The following ZNF124 variants were observed in gnomAD, a reference collection of about 807,000 sequenced individuals.
The protein encoded by ZNF124 is zinc finger protein HZF-16.
In ZNF124, 25 loss-of-function variants were observed where a neutral mutation model predicts 26.6. That is an observed-to-expected ratio of 0.94 (90% CI 0.68 to 1.31). The LOEUF is 1.31. ZNF124 is among the 40% of genes most tolerant of loss of function. The pLI, the probability that ZNF124 is intolerant of heterozygous loss-of-function variation, is 0.00. For missense variants in ZNF124, 444 were observed against 422.2 expected (o/e 1.05, Z -0.45); for synonymous variants, 129 against 133.3 (o/e 0.97, Z 0.22).
intron 3 of ZNF124, among the ~76,000 whole-genome samples, chr1:247,135,460 C>A (rs1204211513): frequency 6.6e-6 from 1 of 152,056 alleles, no homozygotes; most frequent in Non-Finnish European, 1.5e-5. Context: ...TTCTTGGACT[C>A]CTACCAAGAC....
intron 1 of ZNF124, among the ~76,000 whole-genome samples, chr1:247,164,709 T>C (rs1027185565): frequency 5.9e-5 from 9 of 152,206 alleles, no homozygotes; most frequent in African/African-American, 2.2e-4. Flanking sequence ...GCAATTTAGA[T>C]TCAATGCTAT....
At chr1:247,144,481 T>C (rs1672709361) in intron 3 of ZNF124, among the ~76,000 whole-genome samples, 1 of 151,980 alleles carries the variant, frequency 6.6e-6, no homozygotes, top group Admixed American at 6.6e-5. Flanking sequence ...GAAAGTCAGC[T>C]AAAAGCTTGC....
chr1:247,158,270 A>C (rs1673268214), intron 3 of ZNF124, among the ~76,000 whole-genome samples: 1 of 151,870 alleles, frequency 6.6e-6, no homozygotes, highest in South Asian at 2.1e-4. Flanking sequence ...AAACAAAACA[A>C]AAAAACCCCA....
At chr1:247,132,147 C>T (rs1387547547) in intron 3 of ZNF124, among the ~76,000 whole-genome samples, 2 of 152,022 alleles carry the variant, frequency 1.3e-5, no homozygotes, top group Non-Finnish European at 2.9e-5. Context: ...GATGAATACG[C>T]CTGAAGTGAA....
intron 3 of ZNF124, among the ~76,000 whole-genome samples, chr1:247,134,807 A>G (rs1220394251): frequency 6.6e-6 from 1 of 152,240 alleles, no homozygotes; most frequent in Non-Finnish European, 1.5e-5. Context: ...CATTCTTCTC[A>G]GTGCCACATG....
chr1:247,124,678 G>A (rs921159999), intron 3 of ZNF124, among the ~76,000 whole-genome samples: 1 of 152,120 alleles, frequency 6.6e-6, no homozygotes, highest in South Asian at 2.1e-4. Flanking sequence ...TGCCAATTCT[G>A]GACATTTCAT....
In ZNF124 at chr1:247,168,394, G is replaced by A. The variant is rs180857281; in HGVS notation, c.30+3454C>T. ...AAATACAAAAAAAATTTAGCTGGGC[G>A]TGATGGTGCATGCCTGTAGTCCCAG... On this transcript the variant is annotated intron_variant, in intron 1 of 3. Transcript: ENST00000543802. This position sits in a 1 kb window ranked among gnomAD's most constrained non-coding sequence, Gnocchi z 4.0. 4.2e-3 allele frequency among the ~76,000 whole-genome samples: 633 copies of A among 152,266 alleles called. 6 individuals are homozygous for A. Among genetic ancestry groups the A allele is most frequent in the African/African-American group, 0.013 (552 of 41,546 alleles).
At chr1:247,158,952 A>G (rs1234836107) in intron 3 of ZNF124, 54 bp downstream of exon 3, 2 of 1,520,264 alleles carry the variant, frequency 1.3e-6, no homozygotes, top group Non-Finnish European at 1.8e-6. Context: ...ACATATGATT[A>G]TATACTACAA....
intron 3 of ZNF124, among the ~76,000 whole-genome samples, chr1:247,135,272 A>G (rs1212347163): frequency 6.6e-6 from 1 of 152,160 alleles, no homozygotes; most frequent in African/African-American, 2.4e-5. Context: ...GTTATTTGAA[A>G]TAATTAACAA....
chr1:247,136,165 A>G (rs1227026027), intron 3 of ZNF124, among the ~76,000 whole-genome samples: 2 of 152,248 alleles, frequency 1.3e-5, no homozygotes, highest in South Asian at 2.1e-4. Context: ...GGCCAGGACA[A>G]TCAGGCAAGA....
At chr1:247,161,225 A>C (rs1673460600) in intron 1 of ZNF124, among the ~76,000 whole-genome samples, 1 of 152,228 alleles carries the variant, frequency 6.6e-6, no homozygotes, top group South Asian at 2.1e-4. Flanking sequence ...CAGAGAGATA[A>C]AGAACTAGGC....
intron 3 of ZNF124, among the ~76,000 whole-genome samples, chr1:247,126,275 T>A (rs1466021971): frequency 8.1e-6 from 1 of 124,102 alleles, no homozygotes; most frequent in African/African-American, 3.2e-5. Flanking sequence ...GCCAGAACGC[T>A]GCCTCATTCA....
At position 247,168,243 on chromosome 1, in the gene ZNF124, A is replaced by C. The variant is rs139428308; in HGVS notation, c.30+3605T>G. Among the ~76,000 whole-genome samples, 1 of 152,232 alleles carries C rather than the reference A, an allele frequency of 6.6e-6. No individual in the cohort carries two copies. Among genetic ancestry groups the C allele is most frequent in the African/African-American group, 2.4e-5 (1 of 41,462 alleles). ...GAAAAGAAGTCATTATATGAAAAAA[A>C]CACGGCTGGGCGTGGTGGCTCATGC... On this transcript the variant is annotated intron_variant, in intron 1 of 3. Coordinates refer to ENST00000543802, the MANE Select transcript of ZNF124 (RefSeq NM_001297568.2). The surrounding 1 kb of genome is among the most constrained non-coding windows in gnomAD (Gnocchi z 4.0).
chr1:247,137,507 AAAAG>A (rs1558374449), intron 3 of ZNF124, among the ~76,000 whole-genome samples: 4 of 143,978 alleles, frequency 2.8e-5, no homozygotes, highest in Admixed American at 7.1e-5. Flanking sequence ...AAAAAAAAAA[AAAAG>A]AAAGAAAACC....
chr1:247,166,467 A>C (rs543822403), intron 1 of ZNF124, among the ~76,000 whole-genome samples: 49 of 152,346 alleles, frequency 3.2e-4, no homozygotes, highest in Non-Finnish European at 5.9e-4. Context: ...TTCTTTGTCC[A>C]GTCTACTGTT....
In ZNF124 at chr1:247,157,189, TG is replaced by T; in HGVS notation, c.432del (p.His144GlnfsTer16). On this transcript the variant is annotated frameshift_variant, in exon 4 of 4. Transcript: ENST00000543802. LOFTEE classifies it high-confidence loss of function. ...PSSFQIHQRN[H>X]TGEKPYECME... The stretch of plus-strand genomic sequence containing the variant: ...ATACATTCATAGGGTTTCTCTCCAG[TG>T]TGATTTCTCTGATGTATCTGAAATG... 1 of 1,614,104 alleles carries T rather than the reference TG, an allele frequency of 6.2e-7. No individual in the cohort carries two copies. Among genetic ancestry groups the T allele is most frequent in the Non-Finnish European group, 8.5e-7 (1 of 1,179,912 alleles).
chr1:247,146,872 G>C lies in ZNF124; in HGVS notation c.218+12134C>G, dbSNP rs115980686. On this transcript the variant is annotated intron_variant, in intron 3 of 3. Transcript: ENST00000472531. ...TCTGTCTCCCTCTGCTGGCATCAAG[G>C]CAGAATTTCTACTAGAACAGGTACC... 1.6e-3 allele frequency among the ~76,000 whole-genome samples: 236 copies of C among 152,252 alleles called. 1 individual carries two copies. Among genetic ancestry groups the C allele is most frequent in the Non-Finnish European group, 2.9e-3 (199 of 68,028 alleles).
Position 247,156,426 on chromosome 1 carries a change from GGT to G in ZNF124, c.*138_*139del. 2 of 1,333,878 alleles carry G rather than the reference GGT, an allele frequency of 1.5e-6. No homozygotes were observed. Among genetic ancestry groups the G allele is most frequent in the Non-Finnish European group, 1.9e-6 (2 of 1,043,504 alleles). The allele number at this position is 1,333,878 out of a possible 1,614,324, so 82.6% of individuals were successfully genotyped here. A position where few individuals can be genotyped will look rare whatever the true frequency, so the allele number is the denominator to read the frequency against. On this transcript the variant is annotated 3_prime_UTR_variant, in exon 4 of 4. Coordinates refer to ENST00000543802, the MANE Select transcript of ZNF124 (RefSeq NM_001297568.2). Reference sequence around the variant, plus strand: ...TTTACCTTATTGCTTATAGTCATAGGGTTTATCTCCAGTTTGATTCGTTTCAT... The same window carrying G: ...TTTACCTTATTGCTTATAGTCATAGGTTATCTCCAGTTTGATTCGTTTCAT...
intron 3 of ZNF124, among the ~76,000 whole-genome samples, chr1:247,135,592 C>T (rs1358325768): frequency 6.6e-6 from 1 of 152,072 alleles, no homozygotes; most frequent in Non-Finnish European, 1.5e-5. Context: ...CAGAATTTTA[C>T]CAGAAATACA....
Sources: gnomAD v4.1 joint callset for allele counts (sites outside exome capture counted in the v4.1 genomes callset) on GRCh38, gnomAD v4.1.1 for gene constraint, Gnocchi (gnomAD v3.1) non-coding constraint, MANE v1.5 for transcripts, NCBI Gene and HGNC (gene_info 2026-07-23, HGNC 2026-07-21) for gene names.